The following SMARCA5 variants were observed in gnomAD, a reference collection of about 807,000 sequenced individuals.
SMARCA5 encodes the protein SNF2 related chromatin remodeling ATPase 5.
A neutral mutation model predicts 140.4 loss-of-function variants in SMARCA5; 18 were observed. That is an observed-to-expected ratio of 0.13 (90% CI 0.09 to 0.19). The LOEUF is 0.19. SMARCA5 is among the 10% of genes least tolerant of loss of function. The pLI, the probability that SMARCA5 is intolerant of heterozygous loss-of-function variation, is 1.00. For synonymous variants in SMARCA5, 449 were observed against 419.6 expected (o/e 1.07, Z -0.86); for missense variants, 606 against 1,276.8 (o/e 0.47, Z 8.01).
At chr4:143,517,612 A>T (rs959861207) in intron 2 of SMARCA5, among the ~76,000 whole-genome samples, 183 bp downstream of exon 2, 1 of 152,194 alleles carries the variant, frequency 6.6e-6, no homozygotes, top group Non-Finnish European at 1.5e-5. Context: ...CAAGGCCAGC[A>T]TTTGTTGAGG....
intron 9 of SMARCA5, among the ~76,000 whole-genome samples, chr4:143,534,283 C>T (rs1480331838): frequency 2.0e-5 from 3 of 151,820 alleles, no homozygotes. Flanking sequence ...CTGAGGTATG[C>T]CTTTATTGAA....
Position 143,517,361 on chromosome 4 carries a change from T to G in SMARCA5, c.184T>G (p.Phe62Val). ...GPADAEMEEI[F>V]DDASPGKQKE... ...AATTATTTCTTTCTACCAGGAAATA[T>G]TTGATGATGCGTCACCTGGAAAGCA... The change falls in exon 2 of 24, where the codon TTT becomes GTT. Residue 62 changes from phenylalanine to valine, a missense_variant. Around this residue, in one of 10 missense-constraint regions of SMARCA5, gnomAD observed 164 missense variants for 128.4 expected, o/e 1.28. Transcript: ENST00000283131. The G allele has an allele frequency of 6.2e-7, 1 of 1,604,888 alleles. No individual in the cohort carries two copies. The highest frequency in any genetic ancestry group is 8.5e-7 in the Non-Finnish European group (1 of 1,175,288).
Position 143,513,843 on chromosome 4 carries a change from G to T in SMARCA5, c.-82G>T. ...CGCTCCTCCACCAGTTTATTGCGAC[G>T]TAGCATCCAGGCCTAGGCCTCCCCG... On this transcript the variant is annotated 5_prime_UTR_variant, in exon 1 of 24. Coordinates refer to ENST00000283131, the MANE Select transcript of SMARCA5 (RefSeq NM_003601.4). The T allele has an allele frequency of 7.0e-7, 1 of 1,437,840 alleles. No individual in the cohort carries two copies. Among genetic ancestry groups the T allele is most frequent in the Non-Finnish European group, 9.3e-7 (1 of 1,076,168 alleles). 89.1% of individuals were successfully genotyped at this position (1,437,840 alleles called of 1,614,324 possible). A position where few individuals can be genotyped will look rare whatever the true frequency, so the allele number is the denominator to read the frequency against.
chr4:143,546,651 C>T, intron 19 of SMARCA5, 125 bp from the exon 20 acceptor site: 1 of 786,692 alleles, frequency 1.3e-6, no homozygotes, highest in Non-Finnish European at 2.0e-6. Context: ...CGAAAAGTTA[C>T]CACTCTAAAA....
intron 10 of SMARCA5, among the ~76,000 whole-genome samples, chr4:143,535,941 G>A (rs1220068503): frequency 1.3e-5 from 2 of 151,934 alleles, no homozygotes; most frequent in African/African-American, 2.4e-5. Context: ...GTATTTATAC[G>A]TATGTTTAAG....
chr4:143,540,366 C>A lies in SMARCA5; in HGVS notation c.1774C>A (p.Arg592=). The part of the protein sequence containing the change: ...NPQVDLQAMD[R]AHRIGQTKTV... ...AATAACATGGTAATTTATTTAGGAC[C>A]GAGCACATAGAATTGGGCAGACTAA... Residue 592 remains arginine, a synonymous_variant, in exon 14 of 24, where the codon CGA becomes AGA. Transcript: ENST00000283131. 1 of 1,599,850 alleles carries A rather than the reference C, an allele frequency of 6.3e-7. No individual in the cohort carries two copies. Among genetic ancestry groups the A allele is most frequent in the Non-Finnish European group, 8.5e-7 (1 of 1,173,954 alleles).
At chr4:143,539,868 A>G (rs1240085224) in intron 13 of SMARCA5, among the ~76,000 whole-genome samples, 2 of 152,158 alleles carry the variant, frequency 1.3e-5, no homozygotes, top group African/African-American at 4.8e-5. Context: ...ACTCTTACTA[A>G]GGGTGACAGG....
chr4:143,535,037 A>T, intron 10 of SMARCA5, 73 bp downstream of exon 10: 1 of 1,058,338 alleles, frequency 9.4e-7, no homozygotes, highest in Non-Finnish European at 1.4e-6. Context: ...TGTTTTCCTA[A>T]TTTGTGTCTT....
intron 6 of SMARCA5, among the ~76,000 whole-genome samples, chr4:143,527,538 A>G (rs1288017620): frequency 1.3e-5 from 2 of 152,118 alleles, no homozygotes; most frequent in Non-Finnish European, 2.9e-5. Flanking sequence ...TCCTTTCTTT[A>G]TGTTAAAACC....
rs1560819110 is a variant in SMARCA5, at chr4:143,538,821, A to G, written c.1653A>G (p.Thr551=). The change falls in exon 13 of 24, where the codon ACA becomes ACG. Residue 551 remains threonine (T), a synonymous_variant. Coordinates refer to ENST00000283131, the MANE Select transcript of SMARCA5 (RefSeq NM_003601.4). ...SINAYNEPNS[T]KFVFMLSTRA... ...ATGCATACAATGAACCAAACAGCAC[A>G]AAGTTTGTTTTCATGTTAAGCACGC... 6.2e-7 allele frequency: 1 copy of G among 1,614,104 alleles called. No individual in the cohort carries two copies. Among genetic ancestry groups the G allele is most frequent in the Non-Finnish European group, 8.5e-7 (1 of 1,179,994 alleles).
chr4:143,522,662 C>A (rs1187652964), intron 3 of SMARCA5, among the ~76,000 whole-genome samples: 2 of 152,076 alleles, frequency 1.3e-5, no homozygotes, highest in Non-Finnish European at 2.9e-5. Flanking sequence ...TTTTGCCCTT[C>A]AGCTGTATTT....
chr4:143,513,951 A>G lies in SMARCA5; in HGVS notation c.27A>G (p.Pro9=). 1.3e-6 allele frequency: 2 copies of G among 1,547,664 alleles called. No individual in the cohort carries two copies. Among genetic ancestry groups the G allele is most frequent in the Non-Finnish European group, 1.7e-6 (2 of 1,154,012 alleles). The change falls in exon 1 of 24, where the codon CCA becomes CCG. Residue 9 remains proline, a synonymous_variant. Transcript: ENST00000283131. ...TGTCGTCCGCGGCCGAGCCTCCGCC[A>G]CCCCCGCCTCCCGAGAGCGCGCCTT... MSSAAEPP[P]PPPPESAPSK... is the part of the protein sequence containing the mutation.
chr4:143,543,938 A>C lies in SMARCA5; in HGVS notation c.2138A>C (p.Asn713Thr). The change falls in exon 16 of 24, where the codon AAC becomes ACC. Residue 713 changes from asparagine to threonine, a missense_variant. By Grantham distance (65) the Asn-to-Thr change is moderately conservative. This residue lies in a region of SMARCA5 where 62 missense variants were observed against 256.6 expected (regional missense o/e 0.24). Transcript: ENST00000283131. ...FTMDTESSVY[N>T]FEGEDYREKQ... ...ATGGATACAGAGTCAAGTGTTTATA[A>C]CTTCGAAGGAGAAGACTATAGAGAA... 1 of 1,602,390 alleles carries C rather than the reference A, an allele frequency of 6.2e-7. No individual in the cohort carries two copies. Among genetic ancestry groups the C allele is most frequent in the Non-Finnish European group, 8.5e-7 (1 of 1,174,822 alleles).
Position 143,513,909 on chromosome 4 carries a change from A to T in SMARCA5, c.-16A>T. On this transcript the variant is annotated 5_prime_UTR_variant, in exon 1 of 24. Transcript: ENST00000283131. ...CTCGGGCCTCTGGCAGCAGCGGGTGACGCAGACGGAACATCATGTCGTCCG... is the reference window on the plus strand; with the variant it reads ...CTCGGGCCTCTGGCAGCAGCGGGTGTCGCAGACGGAACATCATGTCGTCCG... 6.5e-7 allele frequency: 1 copy of T among 1,537,750 alleles called. No individual in the cohort carries two copies.
At position 143,521,545 on chromosome 4, in the gene SMARCA5, G is replaced by A. The variant is rs760615932; in HGVS notation, c.369G>A (p.Gly123=). 26 of 1,613,138 alleles carry A rather than the reference G, an allele frequency of 1.6e-5. No homozygotes were observed. Among genetic ancestry groups the A allele is most frequent in the Non-Finnish European group, 2.1e-5 (25 of 1,179,664 alleles). ...CTTCACCTTTGAAGATGAAACCAGGGCGCCCACGAATAAAAAAAGATGAGA... is the reference window on the plus strand; with the variant it reads ...CTTCACCTTTGAAGATGAAACCAGGACGCCCACGAATAAAAAAAGATGAGA... ...TPTSPLKMKP[G]RPRIKKDEKQ... The change falls in exon 3 of 24, where the codon GGG becomes GGA. Residue 123 remains glycine, a synonymous_variant. Transcript: ENST00000283131.
intron 14 of SMARCA5, 53 bp from the exon 15 acceptor site, chr4:143,543,456 C>T: frequency 6.9e-7 from 1 of 1,448,444 alleles, no homozygotes; most frequent in Non-Finnish European, 9.4e-7. Flanking sequence ...TTTCAAGTTT[C>T]CAGTAAAATA....
intron 1 of SMARCA5, chr4:143,514,608 G>C (rs1736785730): frequency 1.3e-5 from 2 of 153,514 alleles, no homozygotes; most frequent in Non-Finnish European, 2.9e-5. Flanking sequence ...GGCGGTATCT[G>C]TTGTGGGCAG....
chr4:143,539,012 TCAG>T, intron 13 of SMARCA5, 74 bp downstream of exon 13: 1 of 1,291,334 alleles, frequency 7.7e-7, no homozygotes, highest in Non-Finnish European at 1.1e-6. Flanking sequence ...TCTACAAATA[TCAG>T]TGACTTAACC....
intron 22 of SMARCA5, among the ~76,000 whole-genome samples, chr4:143,549,245 T>C (rs956453202): frequency 1.3e-5 from 2 of 152,100 alleles, no homozygotes; most frequent in Non-Finnish European, 2.9e-5. Flanking sequence ...ATATACTATT[T>C]CTAAGTCTTG....
Sources: allele counts gnomAD v4.1 joint callset (sites outside exome capture counted in the v4.1 genomes callset), GRCh38; gene constraint gnomAD v4.1.1; regional missense constraint gnomAD v4.1.1; transcripts MANE v1.5; gene names NCBI Gene and HGNC (gene_info 2026-07-23, HGNC 2026-07-21).